The following GTF2F2 variants were observed in gnomAD, a reference collection of about 807,000 sequenced individuals.
GTF2F2 encodes the protein general transcription factor IIF subunit 2.
GTF2F2 carries 23 observed loss-of-function variants against 42.2 expected under a neutral mutation model. The ratio of observed to expected loss-of-function variants is 0.55; its 90% confidence interval spans 0.39 to 0.77. The LOEUF (loss-of-function observed/expected upper bound fraction) is 0.77. Ranked by LOEUF, GTF2F2 falls within the 30% of genes least tolerant of loss-of-function variation. GTF2F2 has a pLI of 0.00. For synonymous variants in GTF2F2, 105 were observed against 100.8 expected, an observed-to-expected ratio of 1.04 and a Z score of -0.25; for missense variants, 261 against 287.2, an observed-to-expected ratio of 0.91 and a Z score of 0.66.
intron 4 of GTF2F2, chr13:45,193,974 G>C: frequency 6.2e-7 from 1 of 1,614,044 alleles, no homozygotes; most frequent in Non-Finnish European, 8.5e-7. Flanking sequence ...ACTTTATGAA[G>C]TATTTAAATT....
chr13:45,177,570 G>A (rs1252483429), intron 4 of GTF2F2, among the ~76,000 whole-genome samples: 1 of 152,068 alleles, frequency 6.6e-6, no homozygotes, highest in Non-Finnish European at 1.5e-5. Context: ...TTGGTTATCA[G>A]ACAGACTGTC....
At chr13:45,240,098 G>A (rs1438666934) in intron 5 of GTF2F2, among the ~76,000 whole-genome samples, 2 of 132,000 alleles carry the variant, frequency 1.5e-5, no homozygotes, top group African/African-American at 6.6e-5. Flanking sequence ...ATTATGTAGA[G>A]GGATTTTTTT....
chr13:45,127,654 G>A lies in GTF2F2; in HGVS notation c.66+6933G>A, dbSNP rs560551079. ...CCTGGCCTTGTTTTTTTTTGGAGACGGAATCTTGCTCTTGTCGCCCAGGCT... is the reference window on the plus strand; with the variant it reads ...CCTGGCCTTGTTTTTTTTTGGAGACAGAATCTTGCTCTTGTCGCCCAGGCT... On this transcript the variant is annotated intron_variant, in intron 1 of 7. Transcript: ENST00000340473. Among the ~76,000 whole-genome samples, 6 of 150,938 alleles carry A rather than the reference G, an allele frequency of 4.0e-5. No individual in the cohort carries two copies. In the East Asian group the frequency reaches 7.8e-4, roughly 20 times the overall value.
At chr13:45,241,562 ATTAAT>A (rs1875310949) in intron 5 of GTF2F2, among the ~76,000 whole-genome samples, 1 of 132,946 alleles carries the variant, frequency 7.5e-6, no homozygotes, top group Admixed American at 7.0e-5. Context: ...TTTATTTTTA[ATTAAT>A]TTAAATAGAC....
chr13:45,254,437 A>T (rs1211085312), intron 6 of GTF2F2, among the ~76,000 whole-genome samples: 2 of 152,180 alleles, frequency 1.3e-5, no homozygotes, highest in Non-Finnish European at 2.9e-5. Flanking sequence ...TATATGTATT[A>T]TACAATATAC....
chr13:45,162,163 T>C (rs529973668), intron 4 of GTF2F2, among the ~76,000 whole-genome samples: 63 of 152,296 alleles, frequency 4.1e-4, no homozygotes, highest in African/African-American at 1.4e-3. Context: ...GTTAAAACAG[T>C]CTCTTTAAGT....
At chr13:45,185,451 A>C (rs564058264) in intron 4 of GTF2F2, among the ~76,000 whole-genome samples, 1 of 151,532 alleles carries the variant, frequency 6.6e-6, no homozygotes, top group Non-Finnish European at 1.5e-5. Flanking sequence ...TTGTAAGCAC[A>C]TGTAGACTTA....
intron 5 of GTF2F2, among the ~76,000 whole-genome samples, chr13:45,246,083 A>G (rs1319954662): frequency 6.7e-6 from 1 of 150,004 alleles, no homozygotes; most frequent in Non-Finnish European, 1.5e-5. Context: ...ATCTCAGCTC[A>G]CTGCAAGCTC....
chr13:45,223,881 C>T (rs982802596), intron 5 of GTF2F2, among the ~76,000 whole-genome samples: 1 of 152,164 alleles, frequency 6.6e-6, no homozygotes, highest in Non-Finnish European at 1.5e-5. Context: ...ATTTTCCCTT[C>T]TTGAAATTCT....
intron 7 of GTF2F2, among the ~76,000 whole-genome samples, chr13:45,274,564 C>T (rs953876473): frequency 2.0e-5 from 3 of 152,008 alleles, no homozygotes; most frequent in South Asian, 4.1e-4. Flanking sequence ...CTCCTGACCT[C>T]GTGATCCGCC....
intron 4 of GTF2F2, among the ~76,000 whole-genome samples, chr13:45,195,137 G>A (rs1872827049): frequency 6.6e-6 from 1 of 152,106 alleles, no homozygotes; most frequent in South Asian, 2.1e-4. Flanking sequence ...AGTCATTTTT[G>A]AGACACAAAT....
intron 4 of GTF2F2, among the ~76,000 whole-genome samples, chr13:45,163,253 T>C (rs1871120416): frequency 6.6e-6 from 1 of 152,212 alleles, no homozygotes; most frequent in Non-Finnish European, 1.5e-5. Context: ...TTTGATTCAT[T>C]GTATACTTAA....
At chr13:45,123,414 G>C (rs1868782121) in intron 1 of GTF2F2, 1 of 152,220 alleles carries the variant, frequency 6.6e-6, no homozygotes, top group Non-Finnish European at 1.5e-5. Context: ...AATTGCTTGA[G>C]CCCAGGAATT....
At chr13:45,138,116 T>C (rs970598005) in intron 2 of GTF2F2, among the ~76,000 whole-genome samples, 1 of 152,256 alleles carries the variant, frequency 6.6e-6, no homozygotes, top group South Asian at 2.1e-4. Flanking sequence ...ACACATCTCT[T>C]CTCCTCTCGC....
intron 6 of GTF2F2, among the ~76,000 whole-genome samples, chr13:45,265,305 C>T (rs1198758633): frequency 6.6e-6 from 1 of 151,676 alleles, no homozygotes; most frequent in African/African-American, 2.4e-5. Context: ...TCTTCCCTAA[C>T]AATACAATCT....
chr13:45,127,945 T>TTTG (rs1869119732), intron 1 of GTF2F2, among the ~76,000 whole-genome samples: 1 of 122,556 alleles, frequency 8.2e-6, no homozygotes, highest in African/African-American at 3.3e-5. Flanking sequence ...GGCCTTTTTT[T>TTTG]TTTTTTTTTT....
intron 4 of GTF2F2, among the ~76,000 whole-genome samples, chr13:45,179,005 T>C (rs1433137935): frequency 6.6e-6 from 1 of 152,208 alleles, no homozygotes; most frequent in Non-Finnish European, 1.5e-5. Context: ...CGTCATTTAG[T>C]AGGTCTAGCC....
chr13:45,237,983 T>G (rs368344220), intron 5 of GTF2F2, among the ~76,000 whole-genome samples: 4 of 152,190 alleles, frequency 2.6e-5, no homozygotes, highest in African/African-American at 9.6e-5. Flanking sequence ...AGATGAAGTC[T>G]CACTCTGTAG....
intron 5 of GTF2F2, among the ~76,000 whole-genome samples, chr13:45,215,787 G>A (rs1386525611): frequency 6.6e-6 from 1 of 150,922 alleles, no homozygotes; most frequent in South Asian, 2.1e-4. Context: ...AAAACTGTTT[G>A]TTTTAAGAAA....
Sources: allele counts gnomAD v4.1 joint callset (sites outside exome capture counted in the v4.1 genomes callset), GRCh38; gene constraint gnomAD v4.1.1; transcripts MANE v1.5; gene names NCBI Gene and HGNC (gene_info 2026-07-23, HGNC 2026-07-21).